Variants in NBAS observed in about 807,000 individuals in gnomAD.
NBAS encodes NBAS subunit of NRZ tethering complex.
In NBAS, 219 loss-of-function variants were observed where a neutral mutation model predicts 302.5. The observed-to-expected ratio is 0.72, with a 90% confidence interval of 0.65 to 0.81. The LOEUF (loss-of-function observed/expected upper bound fraction) is 0.81. Among genes scored for constraint, NBAS ranks in the 30% least tolerant of loss-of-function variants. NBAS has a pLI of 0.00. For synonymous variants in NBAS, 1,118 were observed against 1,021.6 expected (o/e 1.09, Z -1.80); for missense variants, 2,932 against 2,841.6 (o/e 1.03, Z -0.72).
At chr2:15,524,005 T>A (rs1312890884) in intron 9 of NBAS, among the ~76,000 whole-genome samples, 2 of 152,196 alleles carry the variant, frequency 1.3e-5, no homozygotes, top group Non-Finnish European at 2.9e-5. Flanking sequence ...AGGAAATATA[T>A]CTCAAACTTC....
At chr2:15,388,638 T>C (rs1183480716) in intron 28 of NBAS, among the ~76,000 whole-genome samples, 1 of 152,160 alleles carries the variant, frequency 6.6e-6, no homozygotes, top group African/African-American at 2.4e-5. Flanking sequence ...TAGGTAGATA[T>C]TCAAGTGAAG....
the NBAS span, among the ~76,000 whole-genome samples, chr2:14,909,755 A>G: frequency 6.6e-6 from 1 of 152,220 alleles, no homozygotes; most frequent in African/African-American, 2.4e-5. Context: ...TAGTGACAAG[A>G]TTGCCCACTG....
chr2:15,258,938 C>G (rs894897383), intron 44 of NBAS, among the ~76,000 whole-genome samples: 1 of 152,134 alleles, frequency 6.6e-6, no homozygotes, highest in African/African-American at 2.4e-5. Flanking sequence ...CATCAAGGAC[C>G]TACCGATATG....
At chr2:15,415,317 A>C (rs767643231) in intron 25 of NBAS, among the ~76,000 whole-genome samples, 1 of 152,222 alleles carries the variant, frequency 6.6e-6, no homozygotes, top group Non-Finnish European at 1.5e-5. Flanking sequence ...CAGCTTCTTA[A>C]ATATAGTAGA....
chr2:15,194,206 G>C (rs1178708099), intron 48 of NBAS, among the ~76,000 whole-genome samples: 1 of 152,066 alleles, frequency 6.6e-6, no homozygotes, highest in Non-Finnish European at 1.5e-5. Flanking sequence ...CATTCAAGAA[G>C]CTAAATTATT....
chr2:14,888,171 C>T, the NBAS span, among the ~76,000 whole-genome samples: 1 of 152,272 alleles, frequency 6.6e-6, no homozygotes, highest in Admixed American at 6.5e-5. Context: ...CACTCTGTTG[C>T]CCAGGCTGGA....
At chr2:15,142,010 T>C in the NBAS span, among the ~76,000 whole-genome samples, 3 of 152,244 alleles carry the variant, frequency 2.0e-5, no homozygotes, top group African/African-American at 7.2e-5. Flanking sequence ...CTGTGACATT[T>C]ACAATCACAA....
Position 15,218,238 on chromosome 2 carries a change from C to T in NBAS, c.6432+535G>A, listed in dbSNP as rs147798116. 2.3e-4 allele frequency among the ~76,000 whole-genome samples: 35 copies of T among 152,218 alleles called. No individual in the cohort carries two copies. In the East Asian group the frequency reaches 4.1e-3, roughly 18 times the overall value. ...CCTATTAAGAGAAAAATAATGTACA[C>T]GTGTTTTGTGTATAATCTACCATGC... On this transcript the variant is annotated intron_variant, in intron 48 of 51. Coordinates refer to ENST00000281513, the MANE Select transcript of NBAS (RefSeq NM_015909.4).
the NBAS span, among the ~76,000 whole-genome samples, chr2:14,898,556 A>C: frequency 6.6e-6 from 1 of 152,204 alleles, no homozygotes; most frequent in Non-Finnish European, 1.5e-5. Flanking sequence ...CATAATTCCC[A>C]CATGTTGTGG....
chr2:14,807,286 C>A, the NBAS span, among the ~76,000 whole-genome samples: 2 of 152,150 alleles, frequency 1.3e-5, no homozygotes, highest in East Asian at 1.9e-4. Context: ...AGAGTAATTT[C>A]TATTTATTAT....
At chr2:15,486,904 A>G (rs974762504) in intron 12 of NBAS, among the ~76,000 whole-genome samples, 7 of 151,748 alleles carry the variant, frequency 4.6e-5, no homozygotes, top group African/African-American at 1.7e-4. Context: ...AAAAGATTCA[A>G]TTTATCTTTG....
chr2:15,217,485 A>C (rs1666704831), intron 48 of NBAS, among the ~76,000 whole-genome samples: 1 of 152,260 alleles, frequency 6.6e-6, no homozygotes, highest in African/African-American at 2.4e-5. Flanking sequence ...TGTTCTTTAG[A>C]TGTAGTAATA....
the NBAS span, among the ~76,000 whole-genome samples, chr2:14,881,750 T>G: frequency 6.6e-6 from 1 of 152,212 alleles, no homozygotes; most frequent in Non-Finnish European, 1.5e-5. Context: ...TGTTTATATG[T>G]GTGTTTGTAC....
intron 23 of NBAS, among the ~76,000 whole-genome samples, chr2:15,417,933 C>T (rs1005118082): frequency 8.6e-5 from 13 of 151,954 alleles, no homozygotes; most frequent in South Asian, 2.1e-4. Flanking sequence ...GCAAGAAATA[C>T]GGAAGAGAAA....
chr2:14,829,973 A>G, the NBAS span, among the ~76,000 whole-genome samples: 1 of 152,214 alleles, frequency 6.6e-6, no homozygotes, highest in Non-Finnish European at 1.5e-5. Flanking sequence ...GAAAAGGCCT[A>G]TTCAAATTCC....
intron 28 of NBAS, chr2:15,393,847 C>A: frequency 1.8e-5 from 7 of 399,088 alleles, no homozygotes; most frequent in Middle Eastern, 7.2e-4. Flanking sequence ...CAAACAAACA[C>A]ACAAACAAAA....
chr2:15,345,167 G>A (rs535533035), intron 35 of NBAS, among the ~76,000 whole-genome samples: 20 of 152,208 alleles, frequency 1.3e-4, no homozygotes, highest in Admixed American at 2.6e-4. Context: ...GGGCAACCAG[G>A]CAAGAGAAAG....
intron 49 of NBAS, 99 bp downstream of exon 49, chr2:15,190,165 T>A: frequency 7.3e-7 from 1 of 1,379,000 alleles, no homozygotes; most frequent in Non-Finnish European, 1.0e-6. Flanking sequence ...CACACACATA[T>A]AATTATTCTT....
intron 35 of NBAS, among the ~76,000 whole-genome samples, chr2:15,348,472 T>C (rs550312026): frequency 6.6e-6 from 1 of 152,184 alleles, no homozygotes; most frequent in African/African-American, 2.4e-5. Flanking sequence ...GCTGACATTT[T>C]ATAATTCACT....
Sources: allele counts gnomAD v4.1 joint callset (sites outside exome capture counted in the v4.1 genomes callset), GRCh38; gene constraint gnomAD v4.1.1; transcripts MANE v1.5; gene names NCBI Gene and HGNC (gene_info 2026-07-23, HGNC 2026-07-21).